Variants in CLECL1 observed in about 807,000 individuals in gnomAD.
The protein encoded by CLECL1 is C-type lectin-like domain family 1.
At chr12:9,704,319 C>A in the CLECL1 span, among the ~76,000 whole-genome samples, 1 of 152,160 alleles carries the variant, frequency 6.6e-6, no homozygotes, top group Non-Finnish European at 1.5e-5. Context: ...AGGCCTTGAA[C>A]AATTTCTTGT....
the CLECL1 span, among the ~76,000 whole-genome samples, chr12:9,705,193 G>C: frequency 2.7e-3 from 411 of 151,782 alleles, 5 homozygotes; most frequent in East Asian, 0.03. Context: ...ATAATTGTTG[G>C]CCACATGTAT....
chr12:9,731,339 G>A (rs769709850), intron 1 of CLECL1, among the ~76,000 whole-genome samples: 2 of 152,018 alleles, frequency 1.3e-5, no homozygotes, highest in Non-Finnish European at 2.9e-5. Flanking sequence ...TATTTAGTAC[G>A]GTGTGAGGTG....
At chr12:9,703,239 G>A in the CLECL1 span, among the ~76,000 whole-genome samples, 20 of 152,140 alleles carry the variant, frequency 1.3e-4, no homozygotes, top group African/African-American at 4.6e-4. Flanking sequence ...CAAGATTTAT[G>A]TCCCTTAAGG....
downstream of CLECL1, among the ~76,000 whole-genome samples, chr12:9,720,615 A>G (rs191755855): frequency 3.1e-3 from 467 of 152,184 alleles, 4 homozygotes; most frequent in African/African-American, 0.011. Context: ...TGCTGGGATT[A>G]CAGGTGTGAG....
chr12:9,726,478 G>A (rs1050612578), intron 3 of CLECL1, among the ~76,000 whole-genome samples: 1 of 151,834 alleles, frequency 6.6e-6, no homozygotes, highest in Admixed American at 6.6e-5. Flanking sequence ...TGTGAAGTTA[G>A]GTGAAATGGG....
intron 3 of CLECL1, among the ~76,000 whole-genome samples, chr12:9,723,272 A>T (rs1565481808): frequency 6.6e-6 from 1 of 152,230 alleles, no homozygotes; most frequent in Non-Finnish European, 1.5e-5. Flanking sequence ...AAATAGGTTC[A>T]TCTCTATTAT....
exon 2 of CLECL1, among the ~76,000 whole-genome samples, chr12:9,729,615 T>C (rs1331198761): frequency 6.6e-6 from 1 of 152,124 alleles, no homozygotes; most frequent in African/African-American, 2.4e-5. Flanking sequence ...ACAATTACTA[T>C]TACCAGAAGG....
chr12:9,722,143 G>C (rs1866320862), downstream of CLECL1, among the ~76,000 whole-genome samples: 1 of 152,164 alleles, frequency 6.6e-6, no homozygotes, highest in Admixed American at 6.5e-5. Context: ...TTATCACTGA[G>C]AAGGTTTAAA....
chr12:9,706,538 A>G, the CLECL1 span, among the ~76,000 whole-genome samples: 1 of 152,218 alleles, frequency 6.6e-6, no homozygotes. Context: ...CTTAAACACC[A>G]GGTAGATTGA....
the CLECL1 span, among the ~76,000 whole-genome samples, chr12:9,705,110 G>T: frequency 0.017 from 2,521 of 152,220 alleles, 60 homozygotes; most frequent in African/African-American, 0.054. Flanking sequence ...CATCTGACTG[G>T]TGTGGGATGG....
chr12:9,711,974 G>A (rs774154289), downstream of CLECL1, among the ~76,000 whole-genome samples: 11 of 152,070 alleles, frequency 7.2e-5, no homozygotes, highest in Non-Finnish European at 1.2e-4. Context: ...TATCATTATC[G>A]AATACATCTT....
rs755254210 is a variant in CLECL1, at chr12:9,732,990, C to T, written n.41G>A. Reference sequence around the variant, plus strand: ...AAACGCGAGTTCTAACGGGGAAGTCCGAACAGTTTTGATGTCAGCGTAGAC... The same window carrying T: ...AAACGCGAGTTCTAACGGGGAAGTCTGAACAGTTTTGATGTCAGCGTAGAC... On this transcript the variant is annotated non_coding_transcript_exon_variant, in exon 1 of 4. Coordinates refer to ENST00000621400, the Ensembl canonical transcript of CLECL1. 1.2e-4 allele frequency: 193 copies of T among 1,612,332 alleles called. No individual in the cohort carries two copies. The highest frequency in any genetic ancestry group is 2.1e-4 in the South Asian group (19 of 90,954).
intron 1 of CLECL1, among the ~76,000 whole-genome samples, chr12:9,731,623 C>A (rs1420920982): frequency 1.3e-5 from 2 of 152,226 alleles, no homozygotes; most frequent in African/African-American, 4.8e-5. Flanking sequence ...CACACGTATA[C>A]AGCACAAGAA....
rs761040682 is a variant in CLECL1 at position 9,728,868 on chromosome 12, CT to C, written n.168+722del. On this transcript the variant is annotated intron_variant and non_coding_transcript_variant, in intron 2 of 3. Coordinates refer to ENST00000621400, the Ensembl canonical transcript of CLECL1. ...CTAGTTCTAAAGTTCTACAACTCTG[CT>C]TATTTATTTGTAATAGATAATGCCA... Among the ~76,000 whole-genome samples the C allele has an allele frequency of 4.6e-5, 7 of 151,974 alleles. No individual in the cohort carries two copies. The South Asian group carries it at 6.2e-4, about 14-fold the overall frequency.
chr12:9,715,149 T>C (rs1866225251), downstream of CLECL1, among the ~76,000 whole-genome samples: 1 of 152,220 alleles, frequency 6.6e-6, no homozygotes, highest in South Asian at 2.1e-4. Context: ...GTAGCCTAAA[T>C]GAATGACACA....
chr12:9,702,289 TCAGA>T, the CLECL1 span, among the ~76,000 whole-genome samples: 1 of 152,112 alleles, frequency 6.6e-6, no homozygotes, highest in African/African-American at 2.4e-5. Context: ...CCCCTGGAGT[TCAGA>T]CAAACTCTTC....
chr12:9,713,781 A>AG (rs1451327495), downstream of CLECL1, among the ~76,000 whole-genome samples: 1 of 152,312 alleles, frequency 6.6e-6, no homozygotes, highest in East Asian at 1.9e-4. Flanking sequence ...GTGTCAGACA[A>AG]GGGAGCAGTA....
At chr12:9,727,275 G>T (rs1866391103) in intron 3 of CLECL1, among the ~76,000 whole-genome samples, 1 of 151,696 alleles carries the variant, frequency 6.6e-6, no homozygotes, top group Non-Finnish European at 1.5e-5. Flanking sequence ...ACCCCAACCT[G>T]TGCTTGCACA....
chr12:9,704,950 T>C, the CLECL1 span, among the ~76,000 whole-genome samples: 1 of 152,368 alleles, frequency 6.6e-6, no homozygotes, highest in East Asian at 1.9e-4. Context: ...CTGGGTCGAA[T>C]AGTAGTGCTG....
Sources: allele counts gnomAD v4.1 joint callset (sites outside exome capture counted in the v4.1 genomes callset), GRCh38; gene constraint gnomAD v4.1.1; transcripts MANE v1.5; gene names NCBI Gene and HGNC (gene_info 2026-07-23, HGNC 2026-07-21).